The following CD226 variants were observed in gnomAD, a reference collection of about 807,000 sequenced individuals.
The protein encoded by CD226 is CD226 molecule.
In CD226, 24 loss-of-function variants were observed where a neutral mutation model predicts 34.9. The observed-to-expected ratio is 0.69, with a 90% confidence interval of 0.50 to 0.97. CD226 has a LOEUF of 0.97. Among genes scored for constraint, CD226 ranks in the 50% least tolerant of loss-of-function variants. CD226 has a pLI of 0.00. For missense variants in CD226, 397 were observed against 412.7 expected, an observed-to-expected ratio of 0.96 and a Z score of 0.33; for synonymous variants, 148 against 147.4, an observed-to-expected ratio of 1.00 and a Z score of -0.03.
rs1000004508 is a variant in CD226 at position 69,925,740 on chromosome 18, C to T, written c.382+20994G>A. On this transcript the variant is annotated intron_variant, in intron 2 of 5. Transcript: ENST00000582621. ...CACTCCAGTCTCGCTCCCATATGAA[C>T]GACAGTCCACGATACCATCAATCTG... 3.9e-5 allele frequency among the ~76,000 whole-genome samples: 6 copies of T among 152,234 alleles called. No individual in the cohort carries two copies. The East Asian group carries it at 5.8e-4, about 15-fold the overall frequency.
rs115312833 is a variant in CD226, at chr18:69,896,010, T to C, written c.418A>G (p.Ile140Val). 33 of 1,612,080 alleles carry C rather than the reference T, an allele frequency of 2.0e-5. No homozygotes were observed. In the African/African-American group the frequency reaches 3.7e-4, roughly 18 times the overall value. The change falls in exon 3 of 6, where the codon ATT (isoleucine) becomes GTT (valine). Residue 140 changes from isoleucine (I) to valine (V), a missense_variant. By Grantham distance (29) the Ile-to-Val change is conservative (BLOSUM62 3). Transcript: ENST00000582621. Reference protein sequence around the residue: ...FEAAVPSNSHIVSEPGKNVTL... With the variant: ...FEAAVPSNSHVVSEPGKNVTL... Reference sequence around the variant, plus strand: ...ACATTCTTTCCAGGTTCCGAAACAATGTGGCTATTTGATGGCACAGCTGCC... The same window carrying C: ...ACATTCTTTCCAGGTTCCGAAACAACGTGGCTATTTGATGGCACAGCTGCC...
At chr18:69,930,221 TA>T (rs1248440135) in intron 2 of CD226, among the ~76,000 whole-genome samples, 2 of 152,130 alleles carry the variant, frequency 1.3e-5, no homozygotes, top group African/African-American at 4.8e-5. Flanking sequence ...GCTGTTGCAA[TA>T]TGGTTTGAGA....
intron 2 of CD226, among the ~76,000 whole-genome samples, chr18:69,942,986 G>T (rs753659554): frequency 6.6e-6 from 1 of 152,094 alleles, no homozygotes; most frequent in Non-Finnish European, 1.5e-5. Context: ...GCCCTCCCTG[G>T]TTCATTCCAC....
intron 2 of CD226, among the ~76,000 whole-genome samples, chr18:69,912,274 G>A (rs2055335049): frequency 6.6e-6 from 1 of 152,136 alleles, no homozygotes; most frequent in African/African-American, 2.4e-5. Context: ...CAAAAGCAAT[G>A]GCAACAAAAG....
upstream of CD226, among the ~76,000 whole-genome samples, chr18:69,960,957 G>A (rs1014898092): frequency 6.6e-6 from 1 of 152,170 alleles, no homozygotes; most frequent in East Asian, 1.9e-4. Flanking sequence ...TTAACTAAAT[G>A]TAATGGATTT....
chr18:69,935,070 C>T (rs1274644671), intron 2 of CD226, among the ~76,000 whole-genome samples: 1 of 152,232 alleles, frequency 6.6e-6, no homozygotes, highest in African/African-American at 2.4e-5. Context: ...TAAACCATCA[C>T]AGGACAGCAT....
chr18:69,873,119 A>G (rs1388316956), intron 4 of CD226, 25 bp downstream of exon 4: 1 of 1,204,336 alleles, frequency 8.3e-7, no homozygotes. Flanking sequence ...GGTGAATAAG[A>G]TTCAGCATAA....
intron 3 of CD226, among the ~76,000 whole-genome samples, chr18:69,877,754 C>A (rs558948347): frequency 1.1e-4 from 17 of 152,308 alleles, no homozygotes; most frequent in African/African-American, 3.1e-4. Context: ...TATCCTAATA[C>A]CACAATACCT....
intron 2 of CD226, among the ~76,000 whole-genome samples, chr18:69,922,065 G>A (rs896367683): frequency 1.3e-5 from 2 of 152,116 alleles, no homozygotes; most frequent in Admixed American, 6.6e-5. Flanking sequence ...CTTACTAAAC[G>A]GAGCACTAAG....
At chr18:69,904,060 A>C (rs1302720656) in intron 2 of CD226, among the ~76,000 whole-genome samples, 1 of 152,200 alleles carries the variant, frequency 6.6e-6, no homozygotes, top group Non-Finnish European at 1.5e-5. Context: ...TGCAGATAAA[A>C]GGTAAAGGAC....
At chr18:69,897,123 T>C (rs1244888141) in intron 2 of CD226, among the ~76,000 whole-genome samples, 1 of 152,212 alleles carries the variant, frequency 6.6e-6, no homozygotes, top group Admixed American at 6.5e-5. Context: ...CTCACAGGTA[T>C]ACAGTAGATA....
At chr18:69,936,254 A>G (rs1156533764) in intron 2 of CD226, among the ~76,000 whole-genome samples, 1 of 152,004 alleles carries the variant, frequency 6.6e-6, no homozygotes, top group East Asian at 1.9e-4. Flanking sequence ...TTGATTACAG[A>G]GCTTTGCCTG....
intron 2 of CD226, among the ~76,000 whole-genome samples, chr18:69,935,554 T>C (rs1312072026): frequency 6.6e-6 from 1 of 152,184 alleles, no homozygotes; most frequent in Non-Finnish European, 1.5e-5. Context: ...CCACGCTGCA[T>C]TGGCACCCAC....
rs915265710 is a variant in CD226 at position 69,873,144 on chromosome 18, C to T, written c.830G>A (p.Arg277Lys). 1.3e-6 allele frequency: 2 copies of T among 1,526,620 alleles called. No individual in the cohort carries two copies. The highest frequency in any genetic ancestry group is 9.1e-7 in the Non-Finnish European group (1 of 1,100,550). 94.6% of individuals were successfully genotyped at this position (1,526,620 alleles called of 1,614,324 possible). A position where few individuals can be genotyped will look rare whatever the true frequency, so the allele number is the denominator to read the frequency against. The change falls in exon 4 of 6, where the codon AGA (arginine) becomes AAA (lysine). Residue 277 changes from arginine (R) to lysine (K), a missense_variant and splice_region_variant. Arg to Lys is a conservative substitution (Grantham distance 26, BLOSUM62 2). Transcript: ENST00000582621. The part of the protein sequence containing the change: ...ITTIIVIFLN[R>K]RRRRERRDLF... ...ATTCAGCATAAGTTGCACTACTCAC[C>T]TGTTAAGGAAAATGACAATGATGGT...
At chr18:69,933,584 T>TG (rs1347937860) in intron 2 of CD226, among the ~76,000 whole-genome samples, 1 of 152,250 alleles carries the variant, frequency 6.6e-6, no homozygotes, top group Admixed American at 6.5e-5. Context: ...ACGTTTTACA[T>TG]GGCGTATAGG....
chr18:69,887,478 C>T (rs930752800), intron 3 of CD226, among the ~76,000 whole-genome samples: 9 of 152,228 alleles, frequency 5.9e-5, no homozygotes, highest in African/African-American at 2.2e-4. Flanking sequence ...GGTTCATTTA[C>T]ACATTGCGTC....
rs2055316932 is a variant in CD226 at position 69,910,960 on chromosome 18, C to G, written c.383-14915G>C. 2.0e-5 allele frequency among the ~76,000 whole-genome samples: 3 copies of G among 152,100 alleles called. No individual in the cohort carries two copies. In the South Asian group the frequency reaches 6.2e-4, roughly 32 times the overall value. On this transcript the variant is annotated intron_variant, in intron 2 of 5. Coordinates refer to ENST00000582621, the MANE Select transcript of CD226 (RefSeq NM_001303618.2). ...GCAATGGAGTAAACACCACAAGACGCTGGGACTACACTGCAGTCGGTTAGG... is the reference window on the plus strand; with the variant it reads ...GCAATGGAGTAAACACCACAAGACGGTGGGACTACACTGCAGTCGGTTAGG...
intron 2 of CD226, among the ~76,000 whole-genome samples, chr18:69,936,051 G>A (rs1217106596): frequency 1.3e-5 from 2 of 152,154 alleles, no homozygotes; most frequent in African/African-American, 4.8e-5. Context: ...CATAAAGGAG[G>A]TGAAGGAGGT....
intron 3 of CD226, among the ~76,000 whole-genome samples, chr18:69,883,258 TAA>T (rs1984367251): frequency 6.6e-6 from 1 of 152,198 alleles, no homozygotes; most frequent in South Asian, 2.1e-4. Context: ...TTTTTAACTT[TAA>T]CTTTAAAACC....
Sources: gnomAD v4.1 joint callset for allele counts (sites outside exome capture counted in the v4.1 genomes callset) on GRCh38, gnomAD v4.1.1 for gene constraint, MANE v1.5 for transcripts, NCBI Gene and HGNC (gene_info 2026-07-23, HGNC 2026-07-21) for gene names.